BANP: variants seen among roughly 807,000 people sequenced by gnomAD.
BANP encodes the protein BTG3 associated nuclear protein.
In BANP, 11 loss-of-function variants were observed where a neutral mutation model predicts 68.1. The observed-to-expected ratio is 0.16, with a 90% confidence interval of 0.10 to 0.27. The LOEUF (loss-of-function observed/expected upper bound fraction) is 0.27, where lower values mean the gene tolerates loss of function less well. Ranked by LOEUF, BANP falls within the 10% of genes least tolerant of loss-of-function variation. The probability of loss-of-function intolerance (pLI) is 1.00; values close to 1 mark genes in which losing one functional copy is unlikely to be tolerated. For synonymous variants in BANP, 329 were observed against 303.2 expected (o/e 1.09, Z -0.88); for missense variants, 504 against 722.7 (o/e 0.70, Z 3.47).
In BANP at chr16:88,036,627, A is replaced by C. The variant is rs2079430611; in HGVS notation, c.1272+1233A>C. 6.6e-6 allele frequency among the ~76,000 whole-genome samples: 1 copy of C among 152,046 alleles called. No individual in the cohort carries two copies. The highest frequency in any genetic ancestry group is 2.1e-4 in the South Asian group (1 of 4,820). ...GCGTAAGGGTTCTGAGGGCGGAATGAGGATGAGGTGAAAGGGGAGGAACGA... is the reference window on the plus strand; with the variant it reads ...GCGTAAGGGTTCTGAGGGCGGAATGCGGATGAGGTGAAAGGGGAGGAACGA... On this transcript the variant is annotated intron_variant, in intron 10 of 13. Transcript: ENST00000682872. This position sits in a 1 kb window ranked among gnomAD's most constrained non-coding sequence, Gnocchi z 4.2.
At chr16:88,012,929 GTTTCCCTT>G (rs535163979) in intron 6 of BANP, among the ~76,000 whole-genome samples, 5 of 151,942 alleles carry the variant, frequency 3.3e-5, no homozygotes, top group African/African-American at 1.2e-4. Flanking sequence ...TCATCGTTTT[GTTTCCCTT>G]TTTCCCGACA....
At position 88,076,685 on chromosome 16, in the gene BANP, C is replaced by CGGCGAGGGGCT; in HGVS notation, c.*24_*25insGGCGAGGGGCT. 1 of 1,596,438 alleles carries CGGCGAGGGGCT rather than the reference C, an allele frequency of 6.3e-7. No homozygotes were observed. Among genetic ancestry groups the CGGCGAGGGGCT allele is most frequent in the Non-Finnish European group, 8.5e-7 (1 of 1,175,228 alleles). ...GAGCGGTGCCCATGGCACCAGGAGC[C>CGGCGAGGGGCT]CCTCGCCGGCTCCGCCTACGGCCCG... On this transcript the variant is annotated 3_prime_UTR_variant, in exon 14 of 14. Transcript: ENST00000682872.
chr16:87,986,168 T>C (rs2064363419), intron 4 of BANP, among the ~76,000 whole-genome samples: 1 of 152,134 alleles, frequency 6.6e-6, no homozygotes. Flanking sequence ...GGCACCTGCA[T>C]TGAGAACCAC....
chr16:88,076,076 A>G (rs2091542955), intron 13 of BANP, among the ~76,000 whole-genome samples: 1 of 152,172 alleles, frequency 6.6e-6, no homozygotes, highest in Admixed American at 6.5e-5. Context: ...TAAAGCTGTG[A>G]TTTCGTACTT....
At chr16:87,976,934 G>A (rs1446766035) in intron 2 of BANP, among the ~76,000 whole-genome samples, 1 of 152,192 alleles carries the variant, frequency 6.6e-6, no homozygotes, top group Non-Finnish European at 1.5e-5. Flanking sequence ...AAATGAAAGT[G>A]TTCCAGTTAC....
chr16:88,071,698 G>A lies in BANP; in HGVS notation c.1378-371G>A, dbSNP rs1333087032. On this transcript the variant is annotated intron_variant, in intron 12 of 13. Coordinates refer to ENST00000682872, the MANE Select transcript of BANP (RefSeq NM_001386991.1). This position sits in a 1 kb window ranked among gnomAD's most constrained non-coding sequence, Gnocchi z 6.5. ...TAGGCCTCAGTGGCACTCTGGGAGCGCTTGTGCTCTTCATGGTTGCCACTG... is the reference window on the plus strand; with the variant it reads ...TAGGCCTCAGTGGCACTCTGGGAGCACTTGTGCTCTTCATGGTTGCCACTG... The A allele has an allele frequency of 1.2e-5, 6 of 497,230 alleles. No homozygotes were observed. Among genetic ancestry groups the A allele is most frequent in the Admixed American group, 2.3e-5 (1 of 43,564 alleles). 30.8% of individuals were successfully genotyped at this position (497,230 alleles called of 1,614,324 possible).
intron 4 of BANP, among the ~76,000 whole-genome samples, chr16:87,991,255 C>A (rs7500987): frequency 6.6e-6 from 1 of 151,230 alleles, no homozygotes; most frequent in African/African-American, 2.5e-5. Flanking sequence ...CCTACAACTT[C>A]GGGAATTATT....
chr16:87,959,080 G>T (rs2058634570), intron 1 of BANP, among the ~76,000 whole-genome samples: 1 of 152,102 alleles, frequency 6.6e-6, no homozygotes, highest in Non-Finnish European at 1.5e-5. Context: ...GGAGTTCACT[G>T]ATGGATCCCA....
At chr16:87,954,248 T>A (rs1414582879) in intron 1 of BANP, among the ~76,000 whole-genome samples, 1 of 152,248 alleles carries the variant, frequency 6.6e-6, no homozygotes, top group Non-Finnish European at 1.5e-5. Flanking sequence ...ATTTTTAATG[T>A]CCAAGCATGT....
intron 6 of BANP, among the ~76,000 whole-genome samples, chr16:88,006,741 C>T: frequency 6.6e-6 from 1 of 151,320 alleles, no homozygotes; most frequent in South Asian, 2.1e-4. Flanking sequence ...ATCATGAGGT[C>T]AGGAGTTCAA....
At chr16:87,954,301 G>A (rs1161293397) in intron 1 of BANP, among the ~76,000 whole-genome samples, 2 of 152,136 alleles carry the variant, frequency 1.3e-5, no homozygotes, top group Non-Finnish European at 2.9e-5. Context: ...TGTTACACAA[G>A]TGCCTCATCT....
At chr16:88,052,921 A>T (rs1257323747) in intron 11 of BANP, among the ~76,000 whole-genome samples, 1 of 151,524 alleles carries the variant, frequency 6.6e-6, no homozygotes, top group Non-Finnish European at 1.5e-5. Context: ...CACCAACACA[A>T]CCACCTTAAC....
chr16:88,040,700 C>T lies in BANP; in HGVS notation c.1311+2689C>T, dbSNP rs1244656847. On this transcript the variant is annotated intron_variant, in intron 11 of 13. Coordinates refer to ENST00000682872, the MANE Select transcript of BANP (RefSeq NM_001386991.1). ...CCTTCATGTGACACTGCAGATGGCT[C>T]AGCTCCCCGTACTGTCCCGGAGGCC... 2.6e-5 allele frequency among the ~76,000 whole-genome samples: 4 copies of T among 152,262 alleles called. No homozygotes were observed. In the East Asian group the frequency reaches 7.7e-4, roughly 29 times the overall value.
chr16:88,020,038 A>T (rs969205652), intron 7 of BANP, among the ~76,000 whole-genome samples: 22 of 152,212 alleles, frequency 1.4e-4, no homozygotes, highest in Admixed American at 1.4e-3. Context: ...CCCATCCTGG[A>T]CCCTGAGGGT....
intron 4 of BANP, among the ~76,000 whole-genome samples, chr16:87,993,389 A>G (rs1299479120): frequency 1.3e-5 from 2 of 151,666 alleles, no homozygotes; most frequent in African/African-American, 4.9e-5. Context: ...CTTCTTTCCC[A>G]TTTATTCACC....
intron 3 of BANP, among the ~76,000 whole-genome samples, chr16:87,981,815 A>G (rs1414731902): frequency 6.6e-6 from 1 of 152,214 alleles, no homozygotes; most frequent in Non-Finnish European, 1.5e-5. Flanking sequence ...TAGATTCTAA[A>G]GTTTACTAGA....
chr16:87,967,946 G>A (rs1597860478), intron 1 of BANP, among the ~76,000 whole-genome samples: 1 of 151,022 alleles, frequency 6.6e-6, no homozygotes, highest in Non-Finnish European at 1.5e-5. Flanking sequence ...TAGTAAGACA[G>A]GTTCACCGTG....
intron 7 of BANP, among the ~76,000 whole-genome samples, chr16:88,024,154 A>T (rs1346294772): frequency 6.6e-6 from 1 of 152,154 alleles, no homozygotes; most frequent in Non-Finnish European, 1.5e-5. Context: ...AGGACAGCAG[A>T]GTCACGTGTG....
chr16:87,962,516 A>G (rs1447585235), intron 1 of BANP, among the ~76,000 whole-genome samples: 1 of 152,218 alleles, frequency 6.6e-6, no homozygotes, highest in Non-Finnish European at 1.5e-5. Context: ...CCAGAAAGTC[A>G]GAATTACTGC....
Sources: allele counts gnomAD v4.1 joint callset (sites outside exome capture counted in the v4.1 genomes callset), GRCh38; gene constraint gnomAD v4.1.1; non-coding constraint Gnocchi (gnomAD v3.1); transcripts MANE v1.5; gene names NCBI Gene and HGNC (gene_info 2026-07-23, HGNC 2026-07-21).